Variants in SNTG1 observed in about 807,000 individuals in gnomAD.
SNTG1 encodes syntrophin gamma 1.
Under a neutral mutation model 74.7 loss-of-function variants are expected in SNTG1, and 39 were observed. The observed-to-expected ratio is 0.52, with a 90% CI of 0.40 to 0.68. SNTG1 has a LOEUF of 0.68. SNTG1 is among the 30% of genes least tolerant of loss of function. SNTG1 has a pLI of 0.00. For missense variants in SNTG1, 685 were observed against 609.5 expected, an observed-to-expected ratio of 1.12 and a Z score of -1.30; for synonymous variants, 254 against 217.1, an observed-to-expected ratio of 1.17 and a Z score of -1.49.
At chr8:50,628,674 T>G (rs1383367503) in intron 13 of SNTG1, among the ~76,000 whole-genome samples, 1 of 152,216 alleles carries the variant, frequency 6.6e-6, no homozygotes, top group Non-Finnish European at 1.5e-5. Context: ...CTTCTAAAAC[T>G]GAATAAGCTA....
intron 1 of SNTG1, among the ~76,000 whole-genome samples, chr8:49,976,079 T>C (rs1161598234): frequency 6.6e-6 from 1 of 152,132 alleles, no homozygotes; most frequent in Admixed American, 6.5e-5. Flanking sequence ...TTGGCAACTA[T>C]TACTAATTTT....
chr8:50,725,815 C>T (rs924053446), intron 17 of SNTG1, among the ~76,000 whole-genome samples: 1 of 152,120 alleles, frequency 6.6e-6, no homozygotes, highest in Non-Finnish European at 1.5e-5. Flanking sequence ...TTTTTGCTAA[C>T]CAGGAGAATA....
At chr8:50,143,569 G>C (rs963222763) in intron 1 of SNTG1, among the ~76,000 whole-genome samples, 2 of 152,142 alleles carry the variant, frequency 1.3e-5, no homozygotes, top group African/African-American at 4.8e-5. Context: ...ACCAAACTGT[G>C]CCAGATAGTC....
At chr8:50,586,511 G>T (rs548061967) in intron 12 of SNTG1, among the ~76,000 whole-genome samples, 19 of 152,138 alleles carry the variant, frequency 1.2e-4, no homozygotes, top group African/African-American at 4.6e-4. Flanking sequence ...TGTAAAGGGG[G>T]CATCCTTATG....
At chr8:50,251,716 G>A (rs2086655429) in intron 2 of SNTG1, among the ~76,000 whole-genome samples, 1 of 151,984 alleles carries the variant, frequency 6.6e-6, no homozygotes, top group Admixed American at 6.6e-5. Flanking sequence ...GGTCTAGCAA[G>A]TATTACTAGA....
intron 8 of SNTG1, among the ~76,000 whole-genome samples, chr8:50,486,863 G>C (rs569581353): frequency 1.3e-5 from 2 of 150,956 alleles, no homozygotes; most frequent in East Asian, 2.0e-4. Flanking sequence ...AGCATGAAGC[G>C]TTGTTGAATT....
At chr8:50,288,846 C>T (rs762330080) in intron 2 of SNTG1, among the ~76,000 whole-genome samples, 5 of 152,108 alleles carry the variant, frequency 3.3e-5, no homozygotes, top group Non-Finnish European at 5.9e-5. Flanking sequence ...AGGTTGCTAG[C>T]ATTAATTTTC....
chr8:50,311,995 C>T (rs1264359989), intron 2 of SNTG1, among the ~76,000 whole-genome samples: 1 of 152,002 alleles, frequency 6.6e-6, no homozygotes, highest in Non-Finnish European at 1.5e-5. Context: ...ATAGATTCTC[C>T]TTAATAACAG....
At position 50,172,594 on chromosome 8, in the gene SNTG1, G is replaced by A. The variant is rs906172553; in HGVS notation, c.-69G>A. The A allele has an allele frequency of 6.6e-6, 1 of 152,058 alleles. No individual in the cohort carries two copies. The highest frequency in any genetic ancestry group is 1.5e-5 in the Non-Finnish European group (1 of 68,022). 9.4% of individuals were successfully genotyped at this position (152,058 alleles called of 1,614,324 possible). A position where few individuals can be genotyped will look rare whatever the true frequency, so the allele number is the denominator to read the frequency against. On this transcript the variant is annotated 5_prime_UTR_variant, in exon 2 of 19. In the 5' UTR this introduces an upstream ATG that the reference lacks. Coordinates refer to ENST00000642720, the MANE Select transcript of SNTG1 (RefSeq NM_018967.5). ...CCAGAATGTTGAGATTGCCCGAGAA[G>A]TGACCCCAGCAAAAGAAAAATATTG...
rs2090204359 is a variant in SNTG1 at position 50,313,668 on chromosome 8, T to C, written c.-27-80544T>C. On this transcript the variant is annotated intron_variant, in intron 2 of 18. Coordinates refer to ENST00000642720, the MANE Select transcript of SNTG1 (RefSeq NM_018967.5). ...AGTTTATTTTATAATGCCAAAATTA[T>C]ATTAAACGTATTTTTAAAAACTGGT... is the stretch of plus-strand genomic sequence containing the variant. Among the ~76,000 whole-genome samples the C allele has an allele frequency of 1.3e-5, 2 of 150,156 alleles. 1 individual carries two copies. Among genetic ancestry groups the C allele is most frequent in the African/African-American group, 5.0e-5 (2 of 40,352 alleles).
intron 18 of SNTG1, among the ~76,000 whole-genome samples, chr8:50,766,085 A>G (rs2095612807): frequency 6.6e-6 from 1 of 151,992 alleles, no homozygotes; most frequent in Admixed American, 6.6e-5. Flanking sequence ...GAGAGACTGG[A>G]AACCCAGGAC....
At chr8:50,425,664 C>G (rs1201536876) in intron 4 of SNTG1, among the ~76,000 whole-genome samples, 1 of 152,114 alleles carries the variant, frequency 6.6e-6, no homozygotes, top group Admixed American at 6.6e-5. Context: ...TTCCATGAAA[C>G]CAGTCCCTCA....
chr8:50,751,656 C>A (rs952697469), intron 17 of SNTG1, among the ~76,000 whole-genome samples: 2 of 151,886 alleles, frequency 1.3e-5, no homozygotes, highest in Non-Finnish European at 2.9e-5. Context: ...AGATGAAGTT[C>A]CAGAATGATC....
At chr8:50,353,144 C>G (rs2091715987) in intron 2 of SNTG1, among the ~76,000 whole-genome samples, 2 of 151,682 alleles carry the variant, frequency 1.3e-5, no homozygotes, top group Admixed American at 1.3e-4. Flanking sequence ...TCTGAGCAAA[C>G]TATCGCAAGG....
chr8:50,529,298 A>G (rs540281565), intron 9 of SNTG1, among the ~76,000 whole-genome samples: 35 of 152,104 alleles, frequency 2.3e-4, no homozygotes, highest in African/African-American at 7.0e-4. Context: ...GAGAAAGCCT[A>G]TATTTCCCAT....
At chr8:49,953,860 A>C (rs318881) in intron 1 of SNTG1, among the ~76,000 whole-genome samples, 9,909 of 152,268 alleles carry the variant, frequency 0.065, 1,068 homozygotes, top group African/African-American at 0.23. Context: ...GTACTATTTC[A>C]GCTCTGCAGA....
At chr8:49,967,982 T>G (rs1045767450) in intron 1 of SNTG1, among the ~76,000 whole-genome samples, 2 of 152,188 alleles carry the variant, frequency 1.3e-5, no homozygotes, top group African/African-American at 4.8e-5. Context: ...TCAGTCTTGG[T>G]CCTATCCTTC....
chr8:50,727,325 A>T (rs1456676302), intron 17 of SNTG1, among the ~76,000 whole-genome samples: 1 of 152,166 alleles, frequency 6.6e-6, no homozygotes, highest in Non-Finnish European at 1.5e-5. Context: ...TTCACTTCAA[A>T]TATATCAATT....
In SNTG1 at chr8:50,756,060, A is replaced by C. The variant is rs192401792; in HGVS notation, c.1395+3949A>C. Among the ~76,000 whole-genome samples the C allele has an allele frequency of 8.6e-5, 13 of 150,594 alleles. No homozygotes were observed. In the East Asian group the frequency reaches 2.4e-3, roughly 28 times the overall value. On this transcript the variant is annotated intron_variant, in intron 18 of 18. Coordinates refer to ENST00000642720, the MANE Select transcript of SNTG1 (RefSeq NM_018967.5). ...TTTCATCTGTATATATTCTTTGGTA[A>C]GGTATCTGTTAATGTTTCTGGCCCA...
Sources: gnomAD v4.1 joint callset for allele counts (sites outside exome capture counted in the v4.1 genomes callset) on GRCh38, gnomAD v4.1.1 for gene constraint, MANE v1.5 for transcripts, NCBI Gene and HGNC (gene_info 2026-07-23, HGNC 2026-07-21) for gene names.